Variants in PLEKHH1 observed in about 807,000 individuals in gnomAD.
PLEKHH1 encodes pleckstrin homology, MyTH4 and FERM domain containing H1, also known as pleckstrin homology domain-containing family H member 1.
Under a neutral mutation model 160.0 loss-of-function variants are expected in PLEKHH1, and 104 were observed. That is an observed-to-expected ratio of 0.65 (90% CI 0.55 to 0.76). PLEKHH1 has a LOEUF of 0.76. Among genes scored for constraint, PLEKHH1 ranks in the 30% least tolerant of loss-of-function variants. The probability of loss-of-function intolerance (pLI) is 0.00; values close to 1 mark genes in which losing one functional copy is unlikely to be tolerated. For synonymous variants in PLEKHH1, 619 were observed against 678.4 expected (o/e 0.91, Z 1.36); for missense variants, 1,427 against 1,724.1 (o/e 0.83, Z 3.05).
chr14:67,550,543 G>T (rs2034356476), intron 2 of PLEKHH1, among the ~76,000 whole-genome samples: 2 of 152,212 alleles, frequency 1.3e-5, no homozygotes, highest in Admixed American at 1.3e-4. Flanking sequence ...TAAAACTGGG[G>T]GTTGCAAACT....
At position 67,557,269 on chromosome 14, in the gene PLEKHH1, G is replaced by A. The variant is rs749121012; in HGVS notation, c.190G>A (p.Val64Met). ...ACTATGAGATCATTGTACTTTTCAG[G>A]TGGGTGTCATGGAAGAGAAGGTAAA... The part of the protein sequence containing the change: ...EQRAENAETQ[V>M]GVMEEKVKLS... Residue 64 changes from valine to methionine, a missense_variant and splice_region_variant, in exon 4 of 29, where the codon GTG (valine) becomes ATG (methionine). Around this residue, in one of 6 missense-constraint regions of PLEKHH1, gnomAD observed 831 missense variants for 929.2 expected, o/e 0.89. Coordinates refer to ENST00000329153, the MANE Select transcript of PLEKHH1 (RefSeq NM_020715.3). The A allele has an allele frequency of 1.2e-6, 2 of 1,613,520 alleles. No homozygotes were observed.
At chr14:67,543,361 C>T (rs909595268) in intron 2 of PLEKHH1, among the ~76,000 whole-genome samples, 1 of 152,214 alleles carries the variant, frequency 6.6e-6, no homozygotes, top group African/African-American at 2.4e-5. Context: ...ACATTGTTGT[C>T]TCCTAACTCA....
intron 28 of PLEKHH1, 66 bp downstream of exon 28, chr14:67,586,163 G>A (rs2036150347): frequency 1.9e-6 from 3 of 1,561,088 alleles, no homozygotes; most frequent in Non-Finnish European, 1.8e-6. Context: ...GCTTAGAAAG[G>A]AAACTGGGGT....
Position 67,589,432 on chromosome 14 carries a change from A to T in PLEKHH1, c.*2197A>T, listed in dbSNP as rs897132259. 2.8e-5 allele frequency: 27 copies of T among 964,152 alleles called. No individual in the cohort carries two copies. The highest frequency in any genetic ancestry group is 3.2e-5 in the Non-Finnish European group (26 of 811,104). The allele number at this position is 964,152 out of a possible 1,614,324, so 59.7% of individuals were successfully genotyped here. A position where few individuals can be genotyped will look rare whatever the true frequency, so the allele number is the denominator to read the frequency against. On this transcript the variant is annotated 3_prime_UTR_variant, in exon 29 of 29. Coordinates refer to ENST00000329153, the MANE Select transcript of PLEKHH1 (RefSeq NM_020715.3). ...GCAAAAGTAGCTTTTGAACTGATAT[A>T]AAAAAAAATGCTGAGTAACAGAAAA... is the stretch of plus-strand genomic sequence containing the variant.
In PLEKHH1 at chr14:67,574,722, G is replaced by T. The variant is rs1214715335; in HGVS notation, c.2088+319G>T. Among the ~76,000 whole-genome samples the T allele has an allele frequency of 6.6e-6, 1 of 152,060 alleles. No individual in the cohort carries two copies. The highest frequency in any genetic ancestry group is 2.1e-4 in the South Asian group (1 of 4,814). On this transcript the variant is annotated intron_variant, in intron 14 of 28. Coordinates refer to ENST00000329153, the MANE Select transcript of PLEKHH1 (RefSeq NM_020715.3). This position sits in a 1 kb window ranked among gnomAD's most constrained non-coding sequence, Gnocchi z 4.2. ...TTATACCTGCCTCAGTGTTAATAGT[G>T]GGAGGAAGAGGCCTGGGCGAGGTAG...
intron 26 of PLEKHH1, among the ~76,000 whole-genome samples, chr14:67,584,349 CAACT>C (rs1483691327): frequency 6.6e-6 from 1 of 151,994 alleles, no homozygotes; most frequent in Non-Finnish European, 1.5e-5. Flanking sequence ...AAGATGTGAT[CAACT>C]AATTCACACA....
chr14:67,555,682 C>T, intron 2 of PLEKHH1, 143 bp from the exon 3 acceptor site: 1 of 1,208,626 alleles, frequency 8.3e-7, no homozygotes, highest in Non-Finnish European at 1.2e-6. Flanking sequence ...AAATCCTTAC[C>T]CTGACACTCT....
intron 7 of PLEKHH1, among the ~76,000 whole-genome samples, chr14:67,565,101 G>T (rs141981417): frequency 1.3e-5 from 2 of 152,156 alleles, no homozygotes; most frequent in Admixed American, 6.5e-5. Context: ...TAAGGGCTTC[G>T]CACGGAGCCT....
chr14:67,569,122 A>C lies in PLEKHH1; in HGVS notation c.1264-16A>C. Reference sequence around the variant, plus strand: ...ATCATGCCGGGCCCTGAGCTTCCTGAGACCTCTTGTTTCAGGAGAGCCGGA... The same window carrying C: ...ATCATGCCGGGCCCTGAGCTTCCTGCGACCTCTTGTTTCAGGAGAGCCGGA... On this transcript the variant is annotated splice_polypyrimidine_tract_variant and intron_variant, in intron 7 of 28. Transcript: ENST00000329153. 6.3e-7 allele frequency: 1 copy of C among 1,591,052 alleles called. No individual in the cohort carries two copies. Among genetic ancestry groups the C allele is most frequent in the Non-Finnish European group, 8.6e-7 (1 of 1,161,032 alleles).
At chr14:67,536,843 C>G (rs1195824933) in intron 1 of PLEKHH1, among the ~76,000 whole-genome samples, 1 of 151,806 alleles carries the variant, frequency 6.6e-6, no homozygotes, top group African/African-American at 2.4e-5. Flanking sequence ...AGGAGTTTGA[C>G]CAGACTGGCC....
Position 67,578,542 on chromosome 14 carries a change from G to C in PLEKHH1, c.2760G>C (p.Gln920His). The C allele has an allele frequency of 1.2e-6, 2 of 1,608,858 alleles. No individual in the cohort carries two copies. The highest frequency in any genetic ancestry group is 4.5e-5 in the East Asian group (2 of 44,764). ...PQKYSLMQCW[Q>H]LLALCAPLFL... ...GTCTGTGTCCCTGGCAGTGCTGGCA[G>C]CTCCTCGCTCTGTGTGCTCCACTTT... is the stretch of plus-strand genomic sequence containing the variant. Residue 920 changes from glutamine to histidine, a missense_variant, in exon 20 of 29, where the codon CAG (glutamine) becomes CAC (histidine). By Grantham distance (24) the Gln-to-His change is conservative. Transcript: ENST00000329153. The surrounding 1 kb of genome is among the most constrained non-coding windows in gnomAD (Gnocchi z 5.0).
chr14:67,555,926 A>C (rs762737501), intron 3 of PLEKHH1, 39 bp downstream of exon 3: 1 of 1,604,946 alleles, frequency 6.2e-7, no homozygotes, highest in Admixed American at 1.7e-5. Flanking sequence ...ATGCAGGGGA[A>C]TGACCGTCGG....
intron 7 of PLEKHH1, among the ~76,000 whole-genome samples, chr14:67,566,584 A>G (rs1057076233): frequency 9.9e-5 from 15 of 152,088 alleles, no homozygotes; most frequent in Non-Finnish European, 2.9e-5. Flanking sequence ...ATGTCTACCA[A>G]AAAAGATACA....
chr14:67,558,903 G>T (rs977864139), intron 4 of PLEKHH1, among the ~76,000 whole-genome samples: 3 of 152,238 alleles, frequency 2.0e-5, no homozygotes, highest in African/African-American at 7.2e-5. Flanking sequence ...AAATGAATGA[G>T]CATGGCTGTA....
intron 23 of PLEKHH1, chr14:67,581,797 C>T (rs2035913679): frequency 2.5e-6 from 1 of 396,624 alleles, no homozygotes; most frequent in Admixed American, 4.0e-5. Context: ...ATCTATAACT[C>T]CAGGTACCAG....
chr14:67,570,144 C>T, intron 9 of PLEKHH1, 132 bp downstream of exon 9: 2 of 714,848 alleles, frequency 2.8e-6, no homozygotes, highest in South Asian at 3.6e-5. Context: ...CTGAGCCCAG[C>T]ACGTGTCATT....
chr14:67,536,837 G>T (rs1263705791), intron 1 of PLEKHH1, among the ~76,000 whole-genome samples: 5 of 151,826 alleles, frequency 3.3e-5, no homozygotes, highest in Non-Finnish European at 7.3e-5. Context: ...GAGGTCAGGA[G>T]TTTGACCAGA....
chr14:67,558,562 A>G (rs1039215777), intron 4 of PLEKHH1, among the ~76,000 whole-genome samples: 2 of 152,162 alleles, frequency 1.3e-5, no homozygotes, highest in Non-Finnish European at 2.9e-5. Context: ...GGTGGACAAA[A>G]TGACTCCTGC....
intron 2 of PLEKHH1, among the ~76,000 whole-genome samples, chr14:67,547,265 T>C (rs1189634731): frequency 2.6e-5 from 4 of 152,148 alleles, no homozygotes; most frequent in South Asian, 4.2e-4. Context: ...AGAAAAGGGC[T>C]GGGACCTGAG....
Sources: allele counts gnomAD v4.1 joint callset (sites outside exome capture counted in the v4.1 genomes callset), GRCh38; gene constraint gnomAD v4.1.1; regional missense constraint gnomAD v4.1.1; non-coding constraint Gnocchi (gnomAD v3.1); transcripts MANE v1.5; gene names NCBI Gene and HGNC (gene_info 2026-07-23, HGNC 2026-07-21).